Variants in CREB3L2 observed in about 807,000 individuals in gnomAD.
The protein encoded by CREB3L2 is cAMP responsive element binding protein 3 like 2, also known as cyclic AMP-responsive element-binding protein 3-like protein 2.
A neutral mutation model predicts 57.2 loss-of-function variants in CREB3L2; 23 were observed. That is an observed-to-expected ratio of 0.40 (90% CI 0.29 to 0.57). The LOEUF is 0.57. Among genes scored for constraint, CREB3L2 ranks in the 20% least tolerant of loss-of-function variants. The probability of loss-of-function intolerance (pLI) is 0.42; values close to 1 mark genes in which losing one functional copy is unlikely to be tolerated. For missense variants in CREB3L2, 628 were observed against 634.7 expected, an observed-to-expected ratio of 0.99 and a Z score of 0.11; for synonymous variants, 268 against 265.1, an observed-to-expected ratio of 1.01 and a Z score of -0.11.
chr7:137,888,460 C>G (rs1799471806), intron 8 of CREB3L2, among the ~76,000 whole-genome samples: 1 of 152,100 alleles, frequency 6.6e-6, no homozygotes, highest in South Asian at 2.1e-4. Context: ...AACAGCACAG[C>G]TGCCTTTTCC....
rs1800999222 is a variant in CREB3L2, at chr7:137,946,876, TTATC to T, written c.103-18514_103-18511del. Among the ~76,000 whole-genome samples, 3 of 59,200 alleles carry T rather than the reference TTATC, an allele frequency of 5.1e-5. 1 individual carries two copies. The highest frequency in any genetic ancestry group is 3.3e-4 in the African/African-American group (3 of 9,090). 38.8% of individuals were successfully genotyped at this position (59,200 alleles called of 152,430 possible). A position where few individuals can be genotyped will look rare whatever the true frequency, so the allele number is the denominator to read the frequency against. On this transcript the variant is annotated intron_variant, in intron 1 of 11. Coordinates refer to ENST00000330387, the MANE Select transcript of CREB3L2 (RefSeq NM_194071.4). The stretch of plus-strand genomic sequence containing the variant: ...GTTATCTATATAGTTATATATATAG[TTATC>T]TATATAGTTATATATATAGTTATAT...
At chr7:137,999,329 T>C (rs905980261) in intron 1 of CREB3L2, among the ~76,000 whole-genome samples, 3 of 151,320 alleles carry the variant, frequency 2.0e-5, no homozygotes, top group East Asian at 2.0e-4. Context: ...ATAACACTTA[T>C]TTCATCCAAC....
chr7:137,894,305 G>A (rs999512414), intron 8 of CREB3L2, among the ~76,000 whole-genome samples: 2 of 152,154 alleles, frequency 1.3e-5, no homozygotes, highest in African/African-American at 4.8e-5. Flanking sequence ...GCACCTGGGG[G>A]CAAGGAGAAC....
chr7:137,888,072 C>A (rs574222108), intron 8 of CREB3L2, among the ~76,000 whole-genome samples: 1 of 152,148 alleles, frequency 6.6e-6, no homozygotes, highest in African/African-American at 2.4e-5. Context: ...CCTGCCTCAG[C>A]CTCCTGAGTA....
At chr7:137,977,431 T>C (rs1305009846) in intron 1 of CREB3L2, among the ~76,000 whole-genome samples, 1 of 151,916 alleles carries the variant, frequency 6.6e-6, no homozygotes, top group East Asian at 1.9e-4. Context: ...CTTACAAGGG[T>C]TGGGAAAAAG....
In CREB3L2 at chr7:137,878,052, C is replaced by T. The variant is rs3735019; in HGVS notation, c.*2424G>A. ...AGGGCCATCTGAGCTCTCTGCCTAA[C>T]GTCCCATTGTCTACATAGATTCCGT... On this transcript the variant is annotated 3_prime_UTR_variant, in exon 12 of 12. Transcript: ENST00000330387. 14,389 of 229,260 alleles carry T rather than the reference C, an allele frequency of 0.063. 1,298 individuals carry two copies. Among genetic ancestry groups the T allele is most frequent in the African/African-American group, 0.22 (9,840 of 45,156 alleles). 14.2% of individuals were successfully genotyped at this position (229,260 alleles called of 1,614,324 possible). A position where few individuals can be genotyped will look rare whatever the true frequency, so the allele number is the denominator to read the frequency against.
chr7:137,919,175 CTTTT>C (rs370149890), intron 2 of CREB3L2, among the ~76,000 whole-genome samples: 1 of 140,966 alleles, frequency 7.1e-6, no homozygotes, highest in African/African-American at 2.6e-5. Context: ...TCAAAGATAT[CTTTT>C]TTTTTTTTTT....
chr7:137,946,265 G>A (rs535999035), intron 1 of CREB3L2, among the ~76,000 whole-genome samples: 8 of 152,234 alleles, frequency 5.3e-5, no homozygotes, highest in African/African-American at 1.9e-4. Flanking sequence ...CAGGTGTCTT[G>A]AAGGTCTCAA....
chr7:137,927,725 C>T (rs1585633594), intron 2 of CREB3L2, among the ~76,000 whole-genome samples: 2 of 146,582 alleles, frequency 1.4e-5, no homozygotes, highest in East Asian at 4.0e-4. Flanking sequence ...GTCAATAGAA[C>T]ATGATGGAAT....
intron 7 of CREB3L2, 67 bp from the exon 8 acceptor site, chr7:137,901,489 G>T: frequency 1.0e-6 from 1 of 995,330 alleles, no homozygotes; most frequent in Non-Finnish European, 1.6e-6. Context: ...GAGCTAGGGT[G>T]GAGGTAGGTG....
intron 4 of CREB3L2, among the ~76,000 whole-genome samples, chr7:137,912,415 G>A (rs189313227): frequency 6.5e-4 from 98 of 151,772 alleles, no homozygotes; most frequent in African/African-American, 2.2e-3. Flanking sequence ...TCAAGGATGT[G>A]TTAATTCTAA....
chr7:137,971,155 A>G (rs139223652), intron 1 of CREB3L2, among the ~76,000 whole-genome samples: 82 of 149,682 alleles, frequency 5.5e-4, no homozygotes, highest in African/African-American at 1.8e-3. Context: ...AATTATGTTT[A>G]AAAAAAAAAC....
intron 1 of CREB3L2, among the ~76,000 whole-genome samples, chr7:137,986,353 G>C (rs1420850371): frequency 6.6e-6 from 1 of 152,246 alleles, no homozygotes; most frequent in African/African-American, 2.4e-5. Context: ...TTCCCAACAG[G>C]TATGCCGGGG....
chr7:137,995,259 G>A (rs778973043), intron 1 of CREB3L2, among the ~76,000 whole-genome samples: 14 of 151,680 alleles, frequency 9.2e-5, no homozygotes, highest in Non-Finnish European at 1.9e-4. Context: ...CTGCACATGG[G>A]CAGAACCAAG....
At chr7:137,987,496 A>C (rs1801811871) in intron 1 of CREB3L2, among the ~76,000 whole-genome samples, 1 of 152,202 alleles carries the variant, frequency 6.6e-6, no homozygotes, top group Non-Finnish European at 1.5e-5. Context: ...TCTGTGACTA[A>C]TCTCTAAAAA....
At chr7:137,911,971 C>T (rs77652170) in intron 4 of CREB3L2, among the ~76,000 whole-genome samples, 8,034 of 152,294 alleles carry the variant, frequency 0.053, 445 homozygotes, top group East Asian at 0.17. Context: ...CTTCATTAGA[C>T]CTCATGAGGC....
intron 1 of CREB3L2, among the ~76,000 whole-genome samples, chr7:137,986,710 C>A (rs1430871475): frequency 6.6e-6 from 1 of 152,186 alleles, no homozygotes; most frequent in African/African-American, 2.4e-5. Context: ...GCTGAAACTT[C>A]CTCATGCTCC....
chr7:137,991,891 G>C (rs927657068), intron 1 of CREB3L2, among the ~76,000 whole-genome samples: 2 of 140,318 alleles, frequency 1.4e-5, no homozygotes, highest in African/African-American at 5.3e-5. Context: ...CTGGGCAACA[G>C]AGCAAGACTC....
chr7:137,972,713 A>ACAAAACAAAACAAACAAAC (rs1801533598), intron 1 of CREB3L2, among the ~76,000 whole-genome samples: 1 of 32,932 alleles, frequency 3.0e-5, no homozygotes, highest in African/African-American at 1.3e-4. Flanking sequence ...AAAAAAAAAA[A>ACAAAACAAAACAAACAAAC]TATATATATA....
Sources: gnomAD v4.1 joint callset for allele counts (sites outside exome capture counted in the v4.1 genomes callset) on GRCh38, gnomAD v4.1.1 for gene constraint, MANE v1.5 for transcripts, NCBI Gene and HGNC (gene_info 2026-07-23, HGNC 2026-07-21) for gene names.